The following NRAP variants were observed in gnomAD, a reference collection of about 807,000 sequenced individuals.
The protein encoded by NRAP is nebulin-related-anchoring protein.
Under a neutral mutation model 225.9 loss-of-function variants are expected in NRAP, and 189 were observed. The ratio of observed to expected loss-of-function variants is 0.84; its 90% CI spans 0.74 to 0.94. The LOEUF (loss-of-function observed/expected upper bound fraction) is 0.94, where lower values mean the gene tolerates loss of function less well. Ranked by LOEUF, NRAP falls within the 40% of genes least tolerant of loss-of-function variation. NRAP has a pLI of 0.00. For missense variants in NRAP, 2,176 were observed against 2,168.7 expected (o/e 1.00, Z -0.07); for synonymous variants, 769 against 790.7 (o/e 0.97, Z 0.46).
intron 25 of NRAP, among the ~76,000 whole-genome samples, chr10:113,619,271 T>G (rs913087619): frequency 3.9e-5 from 6 of 152,306 alleles, no homozygotes; most frequent in Non-Finnish European, 8.8e-5. Flanking sequence ...CTTTTATGAG[T>G]GAGCCCAATA....
intron 37 of NRAP, among the ~76,000 whole-genome samples, chr10:113,596,196 C>T (rs945603803): frequency 1.3e-5 from 2 of 152,122 alleles, no homozygotes; most frequent in Admixed American, 1.3e-4. Context: ...AATACATGTT[C>T]AAGAAATTAG....
chr10:113,605,768 GGC>G lies in NRAP; in HGVS notation c.3907_3908del (p.Ala1303GlnfsTer2). ...GTCATATCATTCAACTCACATCACT[GGC>G]TATATCTCCAGAGGCCCGGGCAGCC... ...FQAARASGDIASDFLYRHDFV... is the reference protein window; with the variant it reads ...FQAARASGDIXSDFLYRHDFV... On this transcript the variant is annotated frameshift_variant, in exon 34 of 42. Transcript: ENST00000359988. LOFTEE classifies it high-confidence loss of function. 1 of 1,604,270 alleles carries G rather than the reference GGC, an allele frequency of 6.2e-7. No homozygotes were observed. Among genetic ancestry groups the G allele is most frequent in the Non-Finnish European group, 8.5e-7 (1 of 1,171,134 alleles).
rs376144953 is a variant in NRAP, at chr10:113,648,437, TTCTC to T, written c.889-1414_889-1411del. Among the ~76,000 whole-genome samples, 576 of 66,038 alleles carry T rather than the reference TTCTC, an allele frequency of 8.7e-3. 7 individuals are homozygous for T. Among genetic ancestry groups the T allele is most frequent in the African/African-American group, 0.026 (529 of 20,184 alleles). The allele number at this position is 66,038 out of a possible 152,430, so 43.3% of individuals were successfully genotyped here. On this transcript the variant is annotated intron_variant, in intron 9 of 41. Transcript: ENST00000359988. Reference sequence around the variant, plus strand: ...TTTGTGTTTGTAACTTTATTTTAGTTTCTCTCTCTCTCTCTCTCTCTCTCTCTCT... The same window carrying T: ...TTTGTGTTTGTAACTTTATTTTAGTTTCTCTCTCTCTCTCTCTCTCTCTCT...
In NRAP at chr10:113,633,124, T is replaced by G. The variant is rs367875195; in HGVS notation, c.1592A>C (p.Gln531Pro). ...LNYTLPQDVP[Q>P]LVKAKTNAKL... ...GGCATTGGTTTTGGCCTTCACCAGC[T>G]GAGGAACATCCTGGGGCAATGTGTA... is the stretch of plus-strand genomic sequence containing the variant. The change falls in exon 16 of 42, where the codon CAG (glutamine) becomes CCG (proline). Residue 531 changes from glutamine (Q) to proline (P), a missense_variant. Gln to Pro is a moderately conservative substitution (Grantham distance 76). This residue lies in a region of NRAP where 1,708 missense variants were observed against 1,695.5 expected (regional missense o/e 1.01). Coordinates refer to ENST00000359988, the MANE Select transcript of NRAP (RefSeq NM_198060.4). 9 of 1,609,898 alleles carry G rather than the reference T, an allele frequency of 5.6e-6. No homozygotes were observed. In the African/African-American group the frequency reaches 1.2e-4, roughly 21 times the overall value.
At chr10:113,635,643 G>A (rs1196564579) in intron 14 of NRAP, among the ~76,000 whole-genome samples, 1 of 152,106 alleles carries the variant, frequency 6.6e-6, no homozygotes, top group Non-Finnish European at 1.5e-5. Context: ...GGCCAGGCTG[G>A]TCTGGAACCC....
rs375507107 is a variant in NRAP at position 113,598,066 on chromosome 10, T to C, written c.4235A>G (p.Tyr1412Cys). ...CTTCATGCCGATCAGGTCTGACTTG[T>C]AGCGCAACTGCAGGGAAAAAAATCA... ...KAHALQSELR[Y>C]KSDLIGMKGI... The change falls in exon 36 of 42, where the codon TAC becomes TGC. Residue 1412 changes from tyrosine (Y) to cysteine (C), a missense_variant. Physicochemically the swap from Tyr to Cys is radical, Grantham distance 194. Transcript: ENST00000359988. The C allele has an allele frequency of 4.3e-6, 7 of 1,611,370 alleles. No individual in the cohort carries two copies. The highest frequency in any genetic ancestry group is 1.7e-5 in the Admixed American group (1 of 59,964).
intron 1 of NRAP, 40 bp from the exon 2 acceptor site, chr10:113,663,486 C>A (rs747726780): frequency 8.3e-7 from 1 of 1,198,578 alleles, no homozygotes; most frequent in Non-Finnish European, 1.2e-6. Context: ...TTACCCTTTT[C>A]CCCCCAGACT....
chr10:113,635,077 T>C (rs570670539), intron 14 of NRAP, among the ~76,000 whole-genome samples: 2 of 152,336 alleles, frequency 1.3e-5, no homozygotes, highest in Admixed American at 1.3e-4. Flanking sequence ...GACTGCCTGG[T>C]TCCCACCTCA....
intron 13 of NRAP, among the ~76,000 whole-genome samples, chr10:113,640,644 C>G (rs1849148386): frequency 6.6e-6 from 1 of 152,036 alleles, no homozygotes; most frequent in African/African-American, 2.4e-5. Flanking sequence ...CCTTGGCTAA[C>G]CCCAAGAAAA....
At chr10:113,646,423 A>T (rs1319108817) in intron 10 of NRAP, among the ~76,000 whole-genome samples, 1 of 152,236 alleles carries the variant, frequency 6.6e-6, no homozygotes. Context: ...CGTGAAATGA[A>T]TGCTAGGTTC....
rs374057464 is a variant in NRAP, at chr10:113,589,544, C to T, written c.5088+122G>A. 1.2e-5 allele frequency: 14 copies of T among 1,205,494 alleles called. No homozygotes were observed. Among genetic ancestry groups the T allele is most frequent in the Non-Finnish European group, 1.6e-5 (14 of 862,886 alleles). 74.7% of individuals were successfully genotyped at this position (1,205,494 alleles called of 1,614,324 possible). ...GAAATTAGGCGCCTTGTTTGAGCTGCGTTTCACACTTCTTTAGAGCTAGCT... is the reference window on the plus strand; with the variant it reads ...GAAATTAGGCGCCTTGTTTGAGCTGTGTTTCACACTTCTTTAGAGCTAGCT... On this transcript the variant is annotated intron_variant, in intron 41 of 41. Coordinates refer to ENST00000359988, the MANE Select transcript of NRAP (RefSeq NM_198060.4).
chr10:113,612,189 C>T, intron 30 of NRAP, 45 bp downstream of exon 30: 1 of 1,536,236 alleles, frequency 6.5e-7, no homozygotes, highest in Admixed American at 1.7e-5. Flanking sequence ...ACCCTGAGGT[C>T]CTAAGAGAAG....
At chr10:113,597,669 A>T (rs570336067) in intron 36 of NRAP, among the ~76,000 whole-genome samples, 6 of 152,346 alleles carry the variant, frequency 3.9e-5, no homozygotes, top group African/African-American at 1.2e-4. Flanking sequence ...AACTCAGTAG[A>T]TGGGTGGCAA....
chr10:113,631,170 C>A (rs1390420860), intron 18 of NRAP, among the ~76,000 whole-genome samples: 1 of 152,180 alleles, frequency 6.6e-6, no homozygotes, highest in Non-Finnish European at 1.5e-5. Context: ...ACTTATTATG[C>A]GCTGTTCATT....
chr10:113,612,545 T>C, intron 29 of NRAP, 114 bp from the exon 30 acceptor site: 1 of 814,906 alleles, frequency 1.2e-6, no homozygotes, highest in Non-Finnish European at 2.0e-6. Context: ...GGGAAGTTCT[T>C]GGCAGGGCCA....
chr10:113,652,944 C>A lies in NRAP; in HGVS notation c.561G>T (p.Leu187=). Residue 187 remains leucine (L), a synonymous_variant, in exon 6 of 42, where the codon CTG becomes CTT. Transcript: ENST00000359988. ...AYQRAKKANQ[L]ASQVEYKRGH... is the part of the protein sequence containing the mutation. ...GCACCCAGGCACTCACTTGGCTGGC[C>A]AGCTGGTTGGCTTTCTTGGCCCTTT... 1 of 1,611,718 alleles carries A rather than the reference C, an allele frequency of 6.2e-7. No homozygotes were observed. The highest frequency in any genetic ancestry group is 8.5e-7 in the Non-Finnish European group (1 of 1,179,008).
chr10:113,644,858 GC>G (rs1849408188), intron 11 of NRAP, among the ~76,000 whole-genome samples: 1 of 152,164 alleles, frequency 6.6e-6, no homozygotes, highest in African/African-American at 2.4e-5. Context: ...GCTTTGAATT[GC>G]CATAATTGTT....
At chr10:113,634,702 T>C (rs1049417062) in intron 14 of NRAP, among the ~76,000 whole-genome samples, 1 of 152,196 alleles carries the variant, frequency 6.6e-6, no homozygotes, top group Non-Finnish European at 1.5e-5. Context: ...CTAGGGCTCA[T>C]TCCCAATGAA....
intron 35 of NRAP, among the ~76,000 whole-genome samples, chr10:113,601,725 T>A (rs1846614695): frequency 6.6e-6 from 1 of 152,224 alleles, no homozygotes; most frequent in South Asian, 2.1e-4. Context: ...AACAGTGACA[T>A]ACATGGTAGC....
Sources: allele counts gnomAD v4.1 joint callset (sites outside exome capture counted in the v4.1 genomes callset), GRCh38; gene constraint gnomAD v4.1.1; regional missense constraint gnomAD v4.1.1; transcripts MANE v1.5; gene names NCBI Gene and HGNC (gene_info 2026-07-23, HGNC 2026-07-21).